Variants in LHFPL3 observed in about 807,000 individuals in gnomAD.
The protein encoded by LHFPL3 is LHFPL tetraspan subfamily member 3 protein.
In LHFPL3, 5 loss-of-function variants were observed where a neutral mutation model predicts 19.3. The ratio of observed to expected loss-of-function variants is 0.26; its 90% CI spans 0.14 to 0.54. LHFPL3 has a LOEUF of 0.54. Ranked by LOEUF, LHFPL3 falls within the 20% of genes least tolerant of loss-of-function variation. The probability of loss-of-function intolerance (pLI) is 0.94; values close to 1 mark genes in which losing one functional copy is unlikely to be tolerated. For missense variants in LHFPL3, 249 were observed against 307.4 expected (o/e 0.81, Z 1.42); for synonymous variants, 133 against 126.2 (o/e 1.05, Z -0.36).
rs189042861 is a variant in LHFPL3 at position 104,384,713 on chromosome 7, G to A, written c.445+55489G>A. Among the ~76,000 whole-genome samples the A allele has an allele frequency of 5.6e-3, 834 of 150,150 alleles. 3 individuals are homozygous for A. The highest frequency in any genetic ancestry group is 0.02 in the African/African-American group (799 of 40,796). Reference sequence around the variant, plus strand: ...GAGGCAGGAGAATCACTTGAACCTGGTAGGTGGAGGTTGCCGTGAGCCAAG... The same window carrying A: ...GAGGCAGGAGAATCACTTGAACCTGATAGGTGGAGGTTGCCGTGAGCCAAG... On this transcript the variant is annotated intron_variant, in intron 1 of 2. Transcript: ENST00000424859.
chr7:104,887,772 T>C (rs1463081219), intron 2 of LHFPL3, among the ~76,000 whole-genome samples: 1 of 152,256 alleles, frequency 6.6e-6, no homozygotes, highest in Non-Finnish European at 1.5e-5. Flanking sequence ...TATGAAGTCA[T>C]CTTTATATGA....
chr7:104,762,743 G>A (rs566121332), intron 2 of LHFPL3, among the ~76,000 whole-genome samples: 2 of 152,164 alleles, frequency 1.3e-5, no homozygotes, highest in African/African-American at 2.4e-5. Context: ...TGTATGGCAG[G>A]CATTTTGATT....
chr7:104,905,334 T>C (rs535316206), intron 2 of LHFPL3, among the ~76,000 whole-genome samples: 1 of 152,220 alleles, frequency 6.6e-6, no homozygotes, highest in South Asian at 2.1e-4. Flanking sequence ...AACCTTCCTA[T>C]ATGTCTGACA....
At chr7:104,876,087 C>G (rs1398745321) in intron 2 of LHFPL3, among the ~76,000 whole-genome samples, 2 of 152,136 alleles carry the variant, frequency 1.3e-5, no homozygotes, top group Non-Finnish European at 2.9e-5. Context: ...ATGTAGAAAG[C>G]TGAAACTGGA....
At chr7:104,518,648 G>A (rs1362338374) in intron 1 of LHFPL3, among the ~76,000 whole-genome samples, 3 of 152,182 alleles carry the variant, frequency 2.0e-5, no homozygotes, top group Non-Finnish European at 2.9e-5. Flanking sequence ...GCCAGGCATA[G>A]TGGCAGGCAC....
chr7:104,651,303 G>A (rs956117497), intron 1 of LHFPL3, among the ~76,000 whole-genome samples: 19 of 152,220 alleles, frequency 1.2e-4, no homozygotes, highest in African/African-American at 4.6e-4. Context: ...TGTCTGGACT[G>A]CTTATTGCTA....
At chr7:104,635,596 G>C (rs1791715707) in intron 1 of LHFPL3, among the ~76,000 whole-genome samples, 1 of 152,122 alleles carries the variant, frequency 6.6e-6, no homozygotes, top group Non-Finnish European at 1.5e-5. Context: ...ATGCAAATAT[G>C]AAAGTAGAAA....
intron 2 of LHFPL3, among the ~76,000 whole-genome samples, chr7:104,852,765 T>C (rs1218553843): frequency 6.6e-6 from 1 of 152,252 alleles, no homozygotes; most frequent in African/African-American, 2.4e-5. Flanking sequence ...AAGTGAACTC[T>C]GATGGGACAG....
chr7:104,561,995 A>T (rs1006009362), intron 1 of LHFPL3, among the ~76,000 whole-genome samples: 1 of 152,150 alleles, frequency 6.6e-6, no homozygotes, highest in East Asian at 1.9e-4. Context: ...TTCTTTAAGA[A>T]TGTTGACTAT....
At chr7:104,348,334 G>T (rs1790111601) in intron 1 of LHFPL3, among the ~76,000 whole-genome samples, 2 of 152,186 alleles carry the variant, frequency 1.3e-5, no homozygotes, top group South Asian at 4.1e-4. Flanking sequence ...AGTGAGCCGA[G>T]ATCTCGTACT....
chr7:104,629,337 T>C (rs761194014), intron 1 of LHFPL3, among the ~76,000 whole-genome samples: 5 of 152,180 alleles, frequency 3.3e-5, no homozygotes, highest in Non-Finnish European at 7.3e-5. Context: ...TCTGGAAAGT[T>C]GGCTACTAGA....
intron 2 of LHFPL3, among the ~76,000 whole-genome samples, chr7:104,885,157 T>A (rs977840834): frequency 2.0e-5 from 3 of 152,142 alleles, no homozygotes; most frequent in African/African-American, 7.2e-5. Context: ...TATTTGCTAT[T>A]TAGGTAATTT....
chr7:104,676,227 TG>T (rs1325983631), intron 1 of LHFPL3, among the ~76,000 whole-genome samples: 1 of 152,216 alleles, frequency 6.6e-6, no homozygotes, highest in Middle Eastern at 3.2e-3. Context: ...CTAAGGACAC[TG>T]CATATTAAAT....
intron 1 of LHFPL3, among the ~76,000 whole-genome samples, chr7:104,462,260 C>A (rs905227058): frequency 1.3e-5 from 2 of 152,160 alleles, no homozygotes; most frequent in African/African-American, 4.8e-5. Context: ...TTGCTCTGGC[C>A]AGGACTTCCA....
chr7:104,396,838 C>A (rs1001936611), intron 1 of LHFPL3, among the ~76,000 whole-genome samples: 35 of 151,780 alleles, frequency 2.3e-4, no homozygotes, highest in Non-Finnish European at 5.0e-4. Context: ...GGCGTGATGG[C>A]CTGCGTCTGT....
At chr7:104,743,293 G>T (rs1793971799) in intron 2 of LHFPL3, among the ~76,000 whole-genome samples, 1 of 151,888 alleles carries the variant, frequency 6.6e-6, no homozygotes, top group Non-Finnish European at 1.5e-5. Flanking sequence ...CATGGCAGAG[G>T]AGCCTCCTTG....
intron 1 of LHFPL3, among the ~76,000 whole-genome samples, chr7:104,515,796 T>C (rs570239356): frequency 8.1e-4 from 123 of 152,272 alleles, no homozygotes; most frequent in Non-Finnish European, 1.3e-3. Flanking sequence ...AAGAGTTGCC[T>C]GTGGAAAATA....
intron 1 of LHFPL3, among the ~76,000 whole-genome samples, chr7:104,455,106 A>G (rs1211542555): frequency 6.6e-6 from 1 of 152,174 alleles, no homozygotes; most frequent in Non-Finnish European, 1.5e-5. Flanking sequence ...CAAATTAGGT[A>G]TGGATTGCAA....
intron 1 of LHFPL3, among the ~76,000 whole-genome samples, chr7:104,491,481 A>AT (rs398111662): frequency 6.6e-6 from 1 of 151,762 alleles, no homozygotes; most frequent in Non-Finnish European, 1.5e-5. Context: ...AAAAAAAAAA[A>AT]CAAATTATAG....
Sources: gnomAD v4.1 joint callset for allele counts (sites outside exome capture counted in the v4.1 genomes callset) on GRCh38, gnomAD v4.1.1 for gene constraint, MANE v1.5 for transcripts, NCBI Gene and HGNC (gene_info 2026-07-23, HGNC 2026-07-21) for gene names.